SORL1: variants seen among roughly 807,000 people sequenced by gnomAD.
SORL1 encodes sortilin-related receptor.
SORL1 carries 127 observed loss-of-function variants against 273.7 expected under a neutral mutation model. The ratio of observed to expected loss-of-function variants is 0.46; its 90% CI spans 0.40 to 0.54. The LOEUF is 0.54. SORL1 is among the 20% of genes least tolerant of loss of function. The probability of loss-of-function intolerance (pLI) is 0.00; values close to 1 mark genes in which losing one functional copy is unlikely to be tolerated. For missense variants in SORL1, 2,494 were observed against 2,846.1 expected (o/e 0.88, Z 2.81); for synonymous variants, 1,031 against 1,067.4 (o/e 0.97, Z 0.66).
Position 121,619,768 on chromosome 11 carries a change from C to G in SORL1, c.5740C>G (p.Pro1914Ala). 6.2e-7 allele frequency: 1 copy of G among 1,613,986 alleles called. No individual in the cohort carries two copies. The highest frequency in any genetic ancestry group is 8.5e-7 in the Non-Finnish European group (1 of 1,179,912). The change falls in exon 43 of 48, where the codon CCC becomes GCC. Residue 1914 changes from proline (P) to alanine (A), a missense_variant. Pro to Ala is a conservative substitution (Grantham distance 27). This residue lies in a region of SORL1 where 1,609 missense variants were observed against 1,816.4 expected (regional missense o/e 0.89). Coordinates refer to ENST00000260197, the MANE Select transcript of SORL1 (RefSeq NM_003105.6). ...TGGGCTTCAGGTCCGTGTAGTGGTA[C>G]CCTACCAGGGGCCATCCTCTGACTA... is the stretch of plus-strand genomic sequence containing the variant. Reference protein sequence around the residue: ...QYLFLVRVVVPYQGPSSDYVV... With the variant: ...QYLFLVRVVVAYQGPSSDYVV...
chr11:121,502,119 CAA>C (rs1354484771), intron 6 of SORL1, among the ~76,000 whole-genome samples: 14 of 106,136 alleles, frequency 1.3e-4, no homozygotes, highest in Non-Finnish European at 9.5e-5. Context: ...GGTCATGTGA[CAA>C]TTCTTTTTTT....
At chr11:121,574,459 C>T in intron 24 of SORL1, 96 bp downstream of exon 24, 1 of 1,149,782 alleles carries the variant, frequency 8.7e-7, no homozygotes, top group Non-Finnish European at 1.3e-6. Flanking sequence ...TTTCTGATAG[C>T]CGTCTCAGGA....
intron 6 of SORL1, among the ~76,000 whole-genome samples, chr11:121,500,679 T>C (rs1394962476): frequency 2.0e-5 from 3 of 152,234 alleles, no homozygotes; most frequent in Non-Finnish European, 4.4e-5. Context: ...AGTTGTCTGT[T>C]ACCCCTTCAG....
chr11:121,507,664 T>C (rs1861808576), intron 6 of SORL1, among the ~76,000 whole-genome samples: 1 of 152,192 alleles, frequency 6.6e-6, no homozygotes, highest in African/African-American at 2.4e-5. Flanking sequence ...GATGAGGCAT[T>C]GTTCTCATAC....
rs762424008 is a variant in SORL1, at chr11:121,619,913, A to C, written c.5885A>C (p.Asp1962Ala). The C allele has an allele frequency of 2.2e-5, 36 of 1,613,324 alleles. No individual in the cohort carries two copies. The East Asian group carries it at 8.0e-4, about 36-fold the overall frequency. ...WESPYDSPDQDLLYAVAVKDL... is the reference protein window; with the variant it reads ...WESPYDSPDQALLYAVAVKDL... ...TCACCGTATGACTCTCCTGACCAGG[A>C]CTTGGTGAGTGGGTTGGGCTTCCAG... The change falls in exon 43 of 48, where the codon GAC (aspartate) becomes GCC (alanine). Residue 1962 changes from aspartate (D) to alanine (A), a missense_variant. By Grantham distance (126) the Asp-to-Ala change is moderately radical. Coordinates refer to ENST00000260197, the MANE Select transcript of SORL1 (RefSeq NM_003105.6).
At position 121,488,034 on chromosome 11, in the gene SORL1, C is replaced by G; in HGVS notation, c.531C>G (p.Tyr177Ter). 6.2e-7 allele frequency: 1 copy of G among 1,614,056 alleles called. No homozygotes were observed. ...FYHSPADNKR[Y>*]IFADAYAQYL... Reference sequence around the variant, plus strand: ...AACTTACCTGTTTTCCCTTGCAGTACATCTTTGCAGACGCTTATGCCCAGT... The same window carrying G: ...AACTTACCTGTTTTCCCTTGCAGTAGATCTTTGCAGACGCTTATGCCCAGT... The change falls in exon 4 of 48, where the codon TAC (tyrosine) becomes TAG (stop). Residue 177 changes from tyrosine (Y) to a stop codon, truncating the protein, a stop_gained and splice_region_variant. Coordinates refer to ENST00000260197, the MANE Select transcript of SORL1 (RefSeq NM_003105.6). LOFTEE classifies it high-confidence loss of function.
intron 35 of SORL1, among the ~76,000 whole-genome samples, chr11:121,605,847 G>A (rs753062939): frequency 1.3e-5 from 2 of 152,120 alleles, no homozygotes; most frequent in African/African-American, 2.4e-5. Context: ...TCCTCCTCTA[G>A]ATATTTCCTA....
intron 47 of SORL1, chr11:121,628,799 T>G (rs1286740700): frequency 6.6e-6 from 1 of 152,258 alleles, no homozygotes; most frequent in Non-Finnish European, 1.5e-5. Flanking sequence ...ATATCTATGT[T>G]TATAAAGACA....
intron 24 of SORL1, 134 bp downstream of exon 24, chr11:121,574,497 C>A: frequency 1.3e-6 from 1 of 764,360 alleles, no homozygotes; most frequent in Non-Finnish European, 2.1e-6. Context: ...GAATGGCTTT[C>A]TCCATCCACA....
At chr11:121,489,603 T>A (rs887491089) in intron 4 of SORL1, among the ~76,000 whole-genome samples, 10 of 152,238 alleles carry the variant, frequency 6.6e-5, no homozygotes, top group African/African-American at 9.6e-5. Context: ...TAGACCACAT[T>A]TTGCTTATTT....
At chr11:121,488,000 C>T (rs895629326) in intron 3 of SORL1, 32 bp from the exon 4 acceptor site, 2 of 1,610,384 alleles carry the variant, frequency 1.2e-6, no homozygotes, top group East Asian at 2.2e-5. Flanking sequence ...CTGGACAGGG[C>T]CTGCTCTCAA....
intron 6 of SORL1, among the ~76,000 whole-genome samples, chr11:121,499,576 A>G (rs1861680496): frequency 6.6e-6 from 1 of 152,214 alleles, no homozygotes; most frequent in South Asian, 2.1e-4. Flanking sequence ...TTCTCAAGGG[A>G]TGGATTGATG....
rs1160314861 is a variant in SORL1 at position 121,554,185 on chromosome 11, G to C, written c.2439+76G>C. On this transcript the variant is annotated intron_variant, in intron 17 of 47. Coordinates refer to ENST00000260197, the MANE Select transcript of SORL1 (RefSeq NM_003105.6). This position sits in a 1 kb window ranked among gnomAD's most constrained non-coding sequence, Gnocchi z 4.6. ...GTCCTGATAAGCTGCATGCAGAATGGCCTATGGAAATGGGCAGTTAGAAGT... is the reference window on the plus strand; with the variant it reads ...GTCCTGATAAGCTGCATGCAGAATGCCCTATGGAAATGGGCAGTTAGAAGT... The C allele has an allele frequency of 1.2e-5, 16 of 1,366,806 alleles. No individual in the cohort carries two copies. Among genetic ancestry groups the C allele is most frequent in the Non-Finnish European group, 1.5e-5 (15 of 991,540 alleles). 84.7% of individuals were successfully genotyped at this position (1,366,806 alleles called of 1,614,324 possible). A position where few individuals can be genotyped will look rare whatever the true frequency, so the allele number is the denominator to read the frequency against.
rs756987309 is a variant in SORL1, at chr11:121,522,590, C to T, written c.1409C>T (p.Ser470Phe). The change falls in exon 10 of 48, where the codon TCC becomes TTC. Residue 470 changes from serine to phenylalanine, a missense_variant. This residue lies in a region of SORL1 where 710 missense variants were observed against 882.5 expected (regional missense o/e 0.80). Transcript: ENST00000260197. Reference protein sequence around the residue: ...GYGEKINCELSQGCSLHLAQR... With the variant: ...GYGEKINCELFQGCSLHLAQR... Reference sequence around the variant, plus strand: ...CCTGAAACTTTGGTTGTATAGCTTTCCCAGGGCTGTTCCCTTCATCTGGCT... The same window carrying T: ...CCTGAAACTTTGGTTGTATAGCTTTTCCAGGGCTGTTCCCTTCATCTGGCT... 2.0e-5 allele frequency: 32 copies of T among 1,613,390 alleles called. No homozygotes were observed. The highest frequency in any genetic ancestry group is 2.5e-5 in the Non-Finnish European group (30 of 1,179,294).
chr11:121,488,411 A>T (rs545057637), intron 4 of SORL1, among the ~76,000 whole-genome samples: 38 of 152,290 alleles, frequency 2.5e-4, no homozygotes, highest in African/African-American at 8.4e-4. Flanking sequence ...AGCACCCAGC[A>T]CTTGGCAGGC....
At chr11:121,574,139 CCTG>C (rs1328859037) in intron 23 of SORL1, 99 bp from the exon 24 acceptor site, 1 of 1,153,778 alleles carries the variant, frequency 8.7e-7, no homozygotes, top group African/African-American at 1.5e-5. Context: ...ACAATTAATA[CCTG>C]CTTTCTTCTA....
chr11:121,570,079 CAAAAG>C (rs1862816993), intron 22 of SORL1, 73 bp from the exon 23 acceptor site: 10 of 922,132 alleles, frequency 1.1e-5, no homozygotes, highest in African/African-American at 1.7e-5. Context: ...GAGGGAAACT[CAAAAG>C]AGAAAGACCT....
At chr11:121,525,268 T>G (rs988685999) in intron 11 of SORL1, among the ~76,000 whole-genome samples, 2 of 152,248 alleles carry the variant, frequency 1.3e-5, no homozygotes, top group African/African-American at 4.8e-5. Flanking sequence ...ACGATGATTT[T>G]GGGTTTCATC....
intron 3 of SORL1, among the ~76,000 whole-genome samples, chr11:121,487,664 G>C (rs980500139): frequency 6.6e-6 from 1 of 152,186 alleles, no homozygotes; most frequent in African/African-American, 2.4e-5. Flanking sequence ...CTGTGTCCCA[G>C]ATGCCAGTAA....
Sources: allele counts gnomAD v4.1 joint callset (sites outside exome capture counted in the v4.1 genomes callset), GRCh38; gene constraint gnomAD v4.1.1; regional missense constraint gnomAD v4.1.1; non-coding constraint Gnocchi (gnomAD v3.1); transcripts MANE v1.5; gene names NCBI Gene and HGNC (gene_info 2026-07-23, HGNC 2026-07-21).